The following GADL1 variants were observed in gnomAD, a reference collection of about 807,000 sequenced individuals.
GADL1 encodes the protein acidic amino acid decarboxylase GADL1.
A neutral mutation model predicts 69.5 loss-of-function variants in GADL1; 71 were observed. The observed-to-expected ratio is 1.02, with a 90% CI of 0.84 to 1.25. The LOEUF (loss-of-function observed/expected upper bound fraction) is 1.25. Among genes scored for constraint, GADL1 ranks in the 50% most tolerant of loss-of-function variants. The probability of loss-of-function intolerance (pLI) is 0.00; values close to 1 mark genes in which losing one functional copy is unlikely to be tolerated. For synonymous variants in GADL1, 254 were observed against 214.4 expected (o/e 1.18, Z -1.62); for missense variants, 737 against 631.8 (o/e 1.17, Z -1.79).
At chr3:30,761,948 G>A (rs1378824371) in intron 14 of GADL1, among the ~76,000 whole-genome samples, 3 of 151,984 alleles carry the variant, frequency 2.0e-5, no homozygotes, top group Non-Finnish European at 2.9e-5. Context: ...AATATCTGGG[G>A]CCGTGGGAGT....
chr3:30,811,942 T>C (rs954953622), intron 11 of GADL1, among the ~76,000 whole-genome samples: 1 of 152,222 alleles, frequency 6.6e-6, no homozygotes, highest in Admixed American at 6.5e-5. Flanking sequence ...GAAACCACTG[T>C]TCTGATGGGT....
intron 11 of GADL1, among the ~76,000 whole-genome samples, chr3:30,818,125 A>G (rs997997899): frequency 2.0e-5 from 3 of 152,156 alleles, no homozygotes; most frequent in African/African-American, 7.2e-5. Flanking sequence ...ACATGGGCAT[A>G]ATGAACCCTT....
At chr3:30,869,125 A>G (rs1698446289) in intron 1 of GADL1, among the ~76,000 whole-genome samples, 1 of 151,840 alleles carries the variant, frequency 6.6e-6, no homozygotes, top group African/African-American at 2.4e-5. Flanking sequence ...GAAAGCGAAT[A>G]TTTAAGAAAC....
At chr3:30,766,214 G>A (rs1696272233) in intron 14 of GADL1, among the ~76,000 whole-genome samples, 1 of 152,086 alleles carries the variant, frequency 6.6e-6, no homozygotes, top group Admixed American at 6.6e-5. Context: ...ATGAAGAGGT[G>A]GTAGAATATA....
chr3:30,764,879 T>A (rs1696232891), intron 14 of GADL1, among the ~76,000 whole-genome samples: 1 of 152,154 alleles, frequency 6.6e-6, no homozygotes, highest in African/African-American at 2.4e-5. Flanking sequence ...ATTTGAATTA[T>A]CCCTACCTAC....
At chr3:30,854,263 C>T (rs1189981393) in intron 4 of GADL1, among the ~76,000 whole-genome samples, 1 of 152,140 alleles carries the variant, frequency 6.6e-6, no homozygotes, top group African/African-American at 2.4e-5. Flanking sequence ...ATACTTAGAA[C>T]ACTTTGTACT....
chr3:30,753,124 GTTA>G lies in GADL1; in HGVS notation c.1393-24712_1393-24710del, dbSNP rs561739729. ...GTGTCTTTTTCTTATGGGTGAGTCA[GTTA>G]TTTAGTCTGATTTCAATCTTCTAAG... On this transcript the variant is annotated intron_variant, in intron 14 of 14. Transcript: ENST00000282538. 5.0e-3 allele frequency among the ~76,000 whole-genome samples: 767 copies of G among 152,232 alleles called. 6 individuals are homozygous for G. Among genetic ancestry groups the G allele is most frequent in the African/African-American group, 0.018 (738 of 41,530 alleles).
chr3:30,863,975 C>T (rs1698359228), intron 1 of GADL1, among the ~76,000 whole-genome samples: 1 of 152,034 alleles, frequency 6.6e-6, no homozygotes, highest in Admixed American at 6.6e-5. Flanking sequence ...ATCTTTTGTC[C>T]TCTCACTGAA....
In GADL1 at chr3:30,803,359, A is replaced by C. The variant is rs148273991; in HGVS notation, c.1051-2271T>G. On this transcript the variant is annotated intron_variant, in intron 11 of 14. Coordinates refer to ENST00000282538, the MANE Select transcript of GADL1 (RefSeq NM_207359.3). ...TATTATAACACTAAAAGGCCACTGCATGTACTTTAAGGACAAATCATGCAC... is the reference window on the plus strand; with the variant it reads ...TATTATAACACTAAAAGGCCACTGCCTGTACTTTAAGGACAAATCATGCAC... Among the ~76,000 whole-genome samples the C allele has an allele frequency of 9.0e-4, 137 of 152,302 alleles. 1 individual carries two copies. The highest frequency in any genetic ancestry group is 3.0e-3 in the African/African-American group (125 of 41,570).
chr3:30,834,493 T>C (rs1021093675), intron 9 of GADL1, among the ~76,000 whole-genome samples: 2 of 152,216 alleles, frequency 1.3e-5, no homozygotes, highest in South Asian at 2.1e-4. Flanking sequence ...CACTGACCCT[T>C]AGAATTATAA....
At chr3:30,875,406 TATCTC>T (rs1407158504) in intron 1 of GADL1, among the ~76,000 whole-genome samples, 1 of 151,876 alleles carries the variant, frequency 6.6e-6, no homozygotes, top group Non-Finnish European at 1.5e-5. Flanking sequence ...TCCAAAATCT[TATCTC>T]ATTATAGAAT....
chr3:30,796,678 A>C (rs1221506723), intron 12 of GADL1, among the ~76,000 whole-genome samples: 1 of 152,214 alleles, frequency 6.6e-6, no homozygotes. Flanking sequence ...GGAAAGCAGA[A>C]CTGAAAGATG....
At chr3:30,769,219 A>G (rs1257561165) in intron 14 of GADL1, among the ~76,000 whole-genome samples, 3 of 152,138 alleles carry the variant, frequency 2.0e-5, no homozygotes, top group Admixed American at 1.3e-4. Flanking sequence ...TTCTGTAGAG[A>G]TGAGGATCTT....
chr3:30,884,646 A>G (rs1388439410), intron 1 of GADL1, among the ~76,000 whole-genome samples: 1 of 152,038 alleles, frequency 6.6e-6, no homozygotes, highest in Non-Finnish European at 1.5e-5. Flanking sequence ...GTTACACTAT[A>G]TTACGAGTGA....
chr3:30,842,707 G>T (rs1242108648), intron 8 of GADL1, among the ~76,000 whole-genome samples: 1 of 151,104 alleles, frequency 6.6e-6, no homozygotes, highest in Non-Finnish European at 1.5e-5. Context: ...AACAATATCT[G>T]TGGTTCTCAG....
chr3:30,819,363 T>G (rs185593114), intron 11 of GADL1, among the ~76,000 whole-genome samples: 1 of 152,188 alleles, frequency 6.6e-6, no homozygotes, highest in Admixed American at 6.5e-5. Flanking sequence ...AGGTAAAAAT[T>G]TGTCACTCTT....
intron 1 of GADL1, among the ~76,000 whole-genome samples, chr3:30,892,375 TAGTC>T: frequency 6.6e-6 from 1 of 152,218 alleles, no homozygotes. Context: ...GAGGATTACT[TAGTC>T]TGACAGATAG....
chr3:30,769,824 G>C (rs181685191), intron 14 of GADL1, among the ~76,000 whole-genome samples: 2 of 152,176 alleles, frequency 1.3e-5, no homozygotes, highest in African/African-American at 4.8e-5. Flanking sequence ...TCCCTCAGTC[G>C]ATAGTGGGCC....
intron 14 of GADL1, among the ~76,000 whole-genome samples, chr3:30,762,724 A>AT (rs1468738595): frequency 6.6e-6 from 1 of 152,104 alleles, no homozygotes; most frequent in Non-Finnish European, 1.5e-5. Flanking sequence ...TTTTGGATCC[A>AT]TTAACCATGC....
Sources: gnomAD v4.1 joint callset for allele counts (sites outside exome capture counted in the v4.1 genomes callset) on GRCh38, gnomAD v4.1.1 for gene constraint, MANE v1.5 for transcripts, NCBI Gene and HGNC (gene_info 2026-07-23, HGNC 2026-07-21) for gene names.